TPST2: variants seen among roughly 807,000 people sequenced by gnomAD.
TPST2 encodes tyrosylprotein sulfotransferase 2, also known as protein-tyrosine sulfotransferase 2.
A neutral mutation model predicts 27.8 loss-of-function variants in TPST2; 16 were observed. The ratio of observed to expected loss-of-function variants is 0.58; its 90% CI spans 0.39 to 0.88. TPST2 has a LOEUF of 0.88. TPST2 is among the 40% of genes least tolerant of loss of function. The pLI, the probability that TPST2 is intolerant of heterozygous loss-of-function variation, is 0.00. For synonymous variants in TPST2, 229 were observed against 231.7 expected, an observed-to-expected ratio of 0.99 and a Z score of 0.10; for missense variants, 464 against 543.1, an observed-to-expected ratio of 0.85 and a Z score of 1.45.
At position 26,538,484 on chromosome 22, in the gene TPST2, C is replaced by T. The variant is rs796167711; in HGVS notation, c.843-1998G>A. Among the ~76,000 whole-genome samples, 3 of 152,184 alleles carry T rather than the reference C, an allele frequency of 2.0e-5. No individual in the cohort carries two copies. In the South Asian group the frequency reaches 6.2e-4, roughly 32 times the overall value. ...TGTCCAACAATAGGGAATGTGAAGT[C>T]GAATATGGCAATCCGTGTAGCAGCC... On this transcript the variant is annotated intron_variant, in intron 3 of 6. Coordinates refer to ENST00000338754, the MANE Select transcript of TPST2 (RefSeq NM_003595.5).
intron 1 of TPST2, chr22:26,555,187 T>A (rs763737409): frequency 1.9e-6 from 1 of 533,658 alleles, no homozygotes; most frequent in Admixed American, 1.9e-5. Context: ...CCTTGCTCCC[T>A]CTCTGTGAAA....
intron 3 of TPST2, among the ~76,000 whole-genome samples, chr22:26,538,596 C>T (rs1375840879): frequency 1.3e-5 from 2 of 152,070 alleles, no homozygotes; most frequent in Non-Finnish European, 1.5e-5. Context: ...CTGAGGCGGG[C>T]AGATCACCTG....
intron 1 of TPST2, among the ~76,000 whole-genome samples, chr22:26,563,751 A>G (rs1420888855): frequency 6.6e-6 from 1 of 152,130 alleles, no homozygotes; most frequent in Non-Finnish European, 1.5e-5. Flanking sequence ...ATACCATCAC[A>G]AAGGACCATG....
intron 1 of TPST2, among the ~76,000 whole-genome samples, chr22:26,557,913 G>A (rs1247789572): frequency 1.3e-5 from 2 of 150,510 alleles, no homozygotes; most frequent in African/African-American, 4.9e-5. Flanking sequence ...CGGGTGTGGT[G>A]GCATGCTCCT....
At chr22:26,561,285 A>G (rs916327273) in intron 1 of TPST2, among the ~76,000 whole-genome samples, 7 of 152,172 alleles carry the variant, frequency 4.6e-5, no homozygotes, top group South Asian at 2.1e-4. Flanking sequence ...TTTAAACTGT[A>G]CAGTGTCTTT....
intron 1 of TPST2, among the ~76,000 whole-genome samples, chr22:26,589,360 G>A (rs918635087): frequency 2.0e-5 from 3 of 152,008 alleles, no homozygotes; most frequent in African/African-American, 7.2e-5. Context: ...CTCAGCCTCT[G>A]AGCCCATGCT....
intron 1 of TPST2, among the ~76,000 whole-genome samples, chr22:26,581,217 C>T (rs1379132191): frequency 6.6e-6 from 1 of 152,156 alleles, no homozygotes; most frequent in Non-Finnish European, 1.5e-5. Flanking sequence ...ATTTGCACCC[C>T]TTCCTCCAGG....
chr22:26,549,686 AAAG>A (rs1205966572), intron 1 of TPST2, among the ~76,000 whole-genome samples: 1 of 149,854 alleles, frequency 6.7e-6, no homozygotes, highest in Non-Finnish European at 1.5e-5. Flanking sequence ...GAAAAAGAAA[AAAG>A]AAAAAAAAAA....
intron 1 of TPST2, chr22:26,560,837 G>C: frequency 6.4e-7 from 1 of 1,570,942 alleles, no homozygotes; most frequent in Admixed American, 1.7e-5. Context: ...CCTTCTTCCT[G>C]TTCTGCTCTG....
chr22:26,550,531 A>T, intron 1 of TPST2: 1 of 946,374 alleles, frequency 1.1e-6, no homozygotes, highest in Non-Finnish European at 1.3e-6. Context: ...GGGGGCAGGG[A>T]GGGGACAACA....
At position 26,539,603 on chromosome 22, in the gene TPST2, GAA is replaced by G. The variant is rs975535326; in HGVS notation, c.842+1184_842+1185del. On this transcript the variant is annotated intron_variant, in intron 3 of 6. Coordinates refer to ENST00000338754, the MANE Select transcript of TPST2 (RefSeq NM_003595.5). ...CATACTGAGATCTCATCTCTACTAG[GAA>G]AAAAAAAAAAAAAATGAGCTGGGTG... Among the ~76,000 whole-genome samples the G allele has an allele frequency of 9.6e-3, 1,324 of 137,714 alleles. 13 individuals are homozygous for G. The highest frequency in any genetic ancestry group is 0.014 in the Non-Finnish European group (859 of 63,266). The allele number at this position is 137,714 out of a possible 152,430, so 90.3% of individuals were successfully genotyped here.
At chr22:26,534,266 C>G (rs1287224019) in intron 4 of TPST2, among the ~76,000 whole-genome samples, 1 of 152,170 alleles carries the variant, frequency 6.6e-6, no homozygotes. Flanking sequence ...ACAGCACTCA[C>G]AGAAGCACAC....
chr22:26,582,393 C>T (rs928691316), intron 1 of TPST2, among the ~76,000 whole-genome samples: 3 of 152,146 alleles, frequency 2.0e-5, no homozygotes, highest in African/African-American at 7.2e-5. Flanking sequence ...TACCATTGCA[C>T]TCCAGCCTGG....
At chr22:26,555,397 C>A in intron 1 of TPST2, 1 of 372,868 alleles carries the variant, frequency 2.7e-6, no homozygotes. Context: ...GTTGGACAGA[C>A]CCAGGCGATC....
rs1481437938 is a variant in TPST2 at position 26,540,851 on chromosome 22, C to A, written c.780G>T (p.Trp260Cys). Residue 260 changes from tryptophan (W) to cysteine (C), a missense_variant, in exon 3 of 7, where the codon TGG (tryptophan) becomes TGT (cysteine). By Grantham distance (215) the Trp-to-Cys change is radical. Transcript: ENST00000338754. ...KLILDFLGIA[W>C]SDAVLHHEDL... ...CTTCATGGTGGAGGACAGCGTCGCTCCAGGCGATGCCGAGGAAGTCGAGGA... is the reference window on the plus strand; with the variant it reads ...CTTCATGGTGGAGGACAGCGTCGCTACAGGCGATGCCGAGGAAGTCGAGGA... 3 of 1,613,716 alleles carry A rather than the reference C, an allele frequency of 1.9e-6. No homozygotes were observed. In the African/African-American group the frequency reaches 4.0e-5, roughly 22 times the overall value.
At chr22:26,560,279 G>A (rs1054752358) in intron 1 of TPST2, among the ~76,000 whole-genome samples, 6 of 152,108 alleles carry the variant, frequency 3.9e-5, no homozygotes, top group African/African-American at 9.7e-5. Context: ...GTGTGGCTCC[G>A]GAGTCAGGCT....
At chr22:26,549,656 C>CAAAAAA (rs71192939) in intron 1 of TPST2, among the ~76,000 whole-genome samples, 162 of 58,378 alleles carry the variant, frequency 2.8e-3, no homozygotes, top group Middle Eastern at 0.023. Context: ...GACTCCGTCT[C>CAAAAAA]AAAAAAAAAA....
chr22:26,530,145 T>C (rs1925072656), intron 5 of TPST2, among the ~76,000 whole-genome samples: 1 of 152,210 alleles, frequency 6.6e-6, no homozygotes. Context: ...TTGTTGTTGC[T>C]GCTGTTGTTT....
At chr22:26,560,382 G>A in intron 1 of TPST2, 1 of 583,166 alleles carries the variant, frequency 1.7e-6, no homozygotes, top group Non-Finnish European at 3.0e-6. Flanking sequence ...GAATCATATT[G>A]CAGCAGTGCC....
Sources: allele counts gnomAD v4.1 joint callset (sites outside exome capture counted in the v4.1 genomes callset), GRCh38; gene constraint gnomAD v4.1.1; transcripts MANE v1.5; gene names NCBI Gene and HGNC (gene_info 2026-07-23, HGNC 2026-07-21).